The following KATNAL1 variants were observed in gnomAD, a reference collection of about 807,000 sequenced individuals.
The protein encoded by KATNAL1 is katanin catalytic subunit A1 like 1.
In KATNAL1, 32 loss-of-function variants were observed where a neutral mutation model predicts 55.2. The observed-to-expected ratio is 0.58, with a 90% confidence interval of 0.44 to 0.78. The LOEUF (loss-of-function observed/expected upper bound fraction) is 0.78, where lower values mean the gene tolerates loss of function less well. Ranked by LOEUF, KATNAL1 falls within the 30% of genes least tolerant of loss-of-function variation. KATNAL1 has a pLI of 0.00. For missense variants in KATNAL1, 466 were observed against 600.9 expected (o/e 0.78, Z 2.35); for synonymous variants, 193 against 193.6 (o/e 1.00, Z 0.02).
intron 9 of KATNAL1, among the ~76,000 whole-genome samples, chr13:30,226,363 G>C (rs1306400556): frequency 1.3e-5 from 2 of 152,116 alleles, no homozygotes; most frequent in African/African-American, 4.8e-5. Context: ...AAAAAACTAG[G>C]AATAACTTAA....
intron 7 of KATNAL1, among the ~76,000 whole-genome samples, chr13:30,230,815 T>C (rs144370458): frequency 2.3e-4 from 35 of 152,328 alleles, no homozygotes; most frequent in African/African-American, 3.4e-4. Context: ...GATAGATACA[T>C]AGGGGTTCAT....
chr13:30,274,907 G>GCGCGCGCGCGCGCGCGCGCGCGCGCACA (rs869107567), intron 3 of KATNAL1, among the ~76,000 whole-genome samples: 1 of 105,390 alleles, frequency 9.5e-6, no homozygotes, highest in Non-Finnish European at 1.9e-5. Flanking sequence ...GCGCGCGCGC[G>GCGCGCGCGCGCGCGCGCGCGCGCGCACA]CACACACACA....
In KATNAL1 at chr13:30,240,460, C is replaced by A; in HGVS notation, c.726G>T (p.Lys242Asn). 1.2e-6 allele frequency: 2 copies of A among 1,601,142 alleles called. No individual in the cohort carries two copies. Among genetic ancestry groups the A allele is most frequent in the Non-Finnish European group, 1.7e-6 (2 of 1,168,878 alleles). ...CAAAACCAATTTAATAAATTCTCAC[C>A]TTCCATGGCCTTCTAATCCCTTTGA... ...DFFKGIRRPW[K>N]GVLMVGPPGT... The change falls in exon 6 of 11, where the codon AAG (lysine) becomes AAT (asparagine). Residue 242 changes from lysine (K) to asparagine (N), a missense_variant and splice_region_variant. Lys to Asn is a moderately conservative substitution (Grantham distance 94). Coordinates refer to ENST00000380615, the MANE Select transcript of KATNAL1 (RefSeq NM_032116.5).
At position 30,210,221 on chromosome 13, in the gene KATNAL1, T is replaced by C. The variant is rs564918938; in HGVS notation, c.1274+95A>G. On this transcript the variant is annotated intron_variant, in intron 10 of 10. Coordinates refer to ENST00000380615, the MANE Select transcript of KATNAL1 (RefSeq NM_032116.5). ...AAAGAAATGGGTAGCTGCTTTCATG[T>C]CTAACTACACTGGGCTAACTACATT... is the stretch of plus-strand genomic sequence containing the variant. The C allele has an allele frequency of 8.9e-6, 9 of 1,013,722 alleles. No homozygotes were observed. The South Asian group carries it at 2.9e-4, about 33-fold the overall frequency. The allele number at this position is 1,013,722 out of a possible 1,614,324, so 62.8% of individuals were successfully genotyped here.
At chr13:30,233,938 A>G (rs1876378327) in intron 6 of KATNAL1, among the ~76,000 whole-genome samples, 1 of 152,208 alleles carries the variant, frequency 6.6e-6, no homozygotes, top group Admixed American at 6.5e-5. Flanking sequence ...GAGGCTGGGA[A>G]GGGTAGGGGT....
chr13:30,303,317 C>G (rs1354805639), intron 1 of KATNAL1, among the ~76,000 whole-genome samples: 1 of 152,224 alleles, frequency 6.6e-6, no homozygotes, highest in Non-Finnish European at 1.5e-5. Flanking sequence ...CTGGCAAATG[C>G]CCATATCTCA....
At chr13:30,283,087 G>C (rs536329982) in intron 2 of KATNAL1, among the ~76,000 whole-genome samples, 1 of 151,532 alleles carries the variant, frequency 6.6e-6, no homozygotes, top group African/African-American at 2.4e-5. Flanking sequence ...GGCCAACATG[G>C]TGAAACCCTG....
rs775729110 is a variant in KATNAL1 at position 30,228,847 on chromosome 13, C to T, written c.1013-1301G>A. Among the ~76,000 whole-genome samples the T allele has an allele frequency of 3.9e-5, 6 of 152,136 alleles. 1 individual carries two copies. The highest frequency in any genetic ancestry group is 4.1e-4 in the South Asian group (2 of 4,820). The stretch of plus-strand genomic sequence containing the variant: ...AGCTCGCTGTGGCCTCAAACTCCTG[C>T]GCTCAAGCTATCCTCCCACCTCAGC... On this transcript the variant is annotated intron_variant, in intron 8 of 10. Coordinates refer to ENST00000380615, the MANE Select transcript of KATNAL1 (RefSeq NM_032116.5).
At chr13:30,278,436 A>G (rs1171346948) in intron 3 of KATNAL1, among the ~76,000 whole-genome samples, 1 of 152,230 alleles carries the variant, frequency 6.6e-6, no homozygotes, top group African/African-American at 2.4e-5. Flanking sequence ...AGTCAGATCT[A>G]TGTTATGAAC....
At chr13:30,250,904 C>A (rs368212589) in intron 4 of KATNAL1, among the ~76,000 whole-genome samples, 6 of 152,054 alleles carry the variant, frequency 3.9e-5, no homozygotes, top group Admixed American at 3.9e-4. Flanking sequence ...TTCGGGAGGC[C>A]GAGGCGGGCG....
intron 1 of KATNAL1, among the ~76,000 whole-genome samples, chr13:30,292,694 G>A (rs948165198): frequency 1.3e-5 from 2 of 151,498 alleles, no homozygotes; most frequent in African/African-American, 4.9e-5. Flanking sequence ...TGTATCACAT[G>A]TCTTTCTCTT....
intron 3 of KATNAL1, among the ~76,000 whole-genome samples, chr13:30,258,287 C>T (rs1251299178): frequency 1.3e-5 from 2 of 152,140 alleles, no homozygotes; most frequent in African/African-American, 4.8e-5. Context: ...TCATCTCCTT[C>T]GAAATCCAAT....
At chr13:30,239,225 C>G (rs1163561531) in intron 6 of KATNAL1, among the ~76,000 whole-genome samples, 3 of 152,158 alleles carry the variant, frequency 2.0e-5, no homozygotes, top group African/African-American at 7.2e-5. Flanking sequence ...ACCTGGCCAA[C>G]ATGGCAAAAC....
intron 4 of KATNAL1, among the ~76,000 whole-genome samples, chr13:30,251,243 CCTT>C (rs1327077955): frequency 1.9e-5 from 2 of 104,180 alleles, no homozygotes; most frequent in Non-Finnish European, 4.1e-5. Context: ...TTTAGATTAT[CCTT>C]CTTAAGTAAA....
intron 9 of KATNAL1, among the ~76,000 whole-genome samples, chr13:30,227,197 A>G (rs527684781): frequency 2.4e-4 from 37 of 152,374 alleles, no homozygotes; most frequent in Non-Finnish European, 4.6e-4. Context: ...AAGTGCTACC[A>G]TATTTATTAA....
At position 30,241,100 on chromosome 13, in the gene KATNAL1, T is replaced by C; in HGVS notation, c.493-14A>G. ...ATTCTTCCTTCCCTGGGGATAGGTA[T>C]AAAAAAAAAGTACTAGTCAGTAATG... On this transcript the variant is annotated splice_polypyrimidine_tract_variant and intron_variant, in intron 4 of 10. Transcript: ENST00000380615. 1 of 1,595,274 alleles carries C rather than the reference T, an allele frequency of 6.3e-7. No individual in the cohort carries two copies. Among genetic ancestry groups the C allele is most frequent in the Non-Finnish European group, 8.5e-7 (1 of 1,170,764 alleles).
intron 4 of KATNAL1, among the ~76,000 whole-genome samples, chr13:30,252,997 T>C (rs145431380): frequency 0.045 from 6,845 of 152,278 alleles, 533 homozygotes; most frequent in African/African-American, 0.16. Context: ...TTCACCTGCC[T>C]TGGCCTCCCA....
chr13:30,205,924 TAGTGTG>T lies in KATNAL1; in HGVS notation c.*2610_*2615del, dbSNP rs1462115747. 2.1e-5 allele frequency: 2 copies of T among 96,268 alleles called. No individual in the cohort carries two copies. Among genetic ancestry groups the T allele is most frequent in the Non-Finnish European group, 2.2e-5 (1 of 46,484 alleles). 6.0% of individuals were successfully genotyped at this position (96,268 alleles called of 1,614,324 possible). On this transcript the variant is annotated 3_prime_UTR_variant, in exon 11 of 11. Transcript: ENST00000380615. ...TAAGGCAACACACTGTCTTCTGAAA[TAGTGTG>T]TGTGTGTGTGTGTGTGTGTGTGTGT... is the stretch of plus-strand genomic sequence containing the variant.
intron 9 of KATNAL1, among the ~76,000 whole-genome samples, chr13:30,213,381 C>T (rs1440912017): frequency 6.6e-6 from 1 of 152,144 alleles, no homozygotes; most frequent in East Asian, 1.9e-4. Context: ...TGAAACTATT[C>T]CAATCAATAG....
Sources: gnomAD v4.1 joint callset for allele counts (sites outside exome capture counted in the v4.1 genomes callset) on GRCh38, gnomAD v4.1.1 for gene constraint, MANE v1.5 for transcripts, NCBI Gene and HGNC (gene_info 2026-07-23, HGNC 2026-07-21) for gene names.